Variants in CMIP observed in about 807,000 individuals in gnomAD.
The protein encoded by CMIP is c-Maf inducing protein.
Under a neutral mutation model 97.3 loss-of-function variants are expected in CMIP, and 13 were observed. That is an observed-to-expected ratio of 0.13 (90% CI 0.09 to 0.21). The LOEUF (loss-of-function observed/expected upper bound fraction) is 0.21. Ranked by LOEUF, CMIP falls within the 10% of genes least tolerant of loss-of-function variation. CMIP has a pLI of 1.00. For synonymous variants in CMIP, 538 were observed against 436.3 expected, an observed-to-expected ratio of 1.23 and a Z score of -2.91; for missense variants, 847 against 1,024.9, an observed-to-expected ratio of 0.83 and a Z score of 2.37.
At chr16:81,529,385 T>G (rs2150819815) in intron 1 of CMIP, among the ~76,000 whole-genome samples, 1 of 152,104 alleles carries the variant, frequency 6.6e-6, no homozygotes, top group East Asian at 1.9e-4. Context: ...GGGCAGAGTG[T>G]GAGGGGCTGG....
At chr16:81,479,994 G>A (rs1451575231) in intron 1 of CMIP, among the ~76,000 whole-genome samples, 3 of 152,188 alleles carry the variant, frequency 2.0e-5, no homozygotes, top group South Asian at 2.1e-4. Context: ...AGCCCTGGCC[G>A]CACAATGGGA....
chr16:81,515,282 A>G (rs77384313), intron 1 of CMIP, among the ~76,000 whole-genome samples: 104 of 152,314 alleles, frequency 6.8e-4, no homozygotes, highest in African/African-American at 2.4e-3. Flanking sequence ...AGGCCTCAAA[A>G]TGACTCACAG....
At chr16:81,645,511 A>G (rs2092354483) in intron 3 of CMIP, 1 of 1,535,790 alleles carries the variant, frequency 6.5e-7, no homozygotes, top group African/African-American at 1.4e-5. Context: ...TGGAGGAGCA[A>G]CAGGCTCTGC....
chr16:81,650,446 AGGAGAAG>A (rs990338268), intron 3 of CMIP, among the ~76,000 whole-genome samples: 3 of 152,052 alleles, frequency 2.0e-5, no homozygotes. Context: ...GAGCAGAGAG[AGGAGAAG>A]GGAGAGATGA....
At position 81,516,351 on chromosome 16, in the gene CMIP, G is replaced by A. The variant is rs145818043; in HGVS notation, c.300+70810G>A. 1.6e-4 allele frequency among the ~76,000 whole-genome samples: 25 copies of A among 152,230 alleles called. 1 individual carries two copies. Among genetic ancestry groups the A allele is most frequent in the African/African-American group, 6.0e-4 (25 of 41,552 alleles). ...TTTTAAACGTTCTTCTAGCTCCCCC[G>A]GGTCCCCTCGTCCACCCGAGTAGGA... On this transcript the variant is annotated intron_variant, in intron 1 of 20. Coordinates refer to ENST00000537098, the MANE Select transcript of CMIP (RefSeq NM_198390.3).
chr16:81,468,085 G>A (rs1907315021), intron 1 of CMIP, among the ~76,000 whole-genome samples: 1 of 152,026 alleles, frequency 6.6e-6, no homozygotes, highest in Non-Finnish European at 1.5e-5. Flanking sequence ...GGGCTCCTGT[G>A]GTCCTCTAGT....
chr16:81,453,389 C>T lies in CMIP; in HGVS notation c.300+7848C>T, dbSNP rs1053777905. Among the ~76,000 whole-genome samples the T allele has an allele frequency of 6.6e-6, 1 of 152,226 alleles. No homozygotes were observed. Among genetic ancestry groups the T allele is most frequent in the African/African-American group, 2.4e-5 (1 of 41,462 alleles). ...TCCCTTGGGCTGGGCTGGCTGCATC[C>T]AGCTCAGGTGGGGTCATATGGAGAA... is the stretch of plus-strand genomic sequence containing the variant. On this transcript the variant is annotated intron_variant, in intron 1 of 20. Transcript: ENST00000537098. The surrounding 1 kb of genome is among the most constrained non-coding windows in gnomAD (Gnocchi z 4.0).
intron 13 of CMIP, chr16:81,695,501 A>G (rs537663044): frequency 2.0e-5 from 3 of 152,196 alleles, no homozygotes; most frequent in Admixed American, 1.3e-4. Context: ...TTGGCAGCCA[A>G]TCGTCCTTTC....
rs537249215 is a variant in CMIP at position 81,688,945 on chromosome 16, A to C, written c.1389-2830A>C. ...TCCTTGCGATAGTTTGCTCAGAATG[A>C]TGGTTTCCAGCTTCATCCATGTCCC... On this transcript the variant is annotated intron_variant, in intron 10 of 20. Transcript: ENST00000537098. Among the ~76,000 whole-genome samples the C allele has an allele frequency of 5.3e-5, 8 of 152,224 alleles. 1 individual carries two copies. The highest frequency in any genetic ancestry group is 1.9e-4 in the African/African-American group (8 of 41,508).
At chr16:81,633,004 C>T (rs2092185153) in intron 3 of CMIP, among the ~76,000 whole-genome samples, 1 of 152,086 alleles carries the variant, frequency 6.6e-6, no homozygotes, top group Admixed American at 6.6e-5. Context: ...GAAGGGGGGA[C>T]CCGAGCGTTC....
At chr16:81,474,061 A>T (rs1226697160) in intron 1 of CMIP, among the ~76,000 whole-genome samples, 9 of 152,206 alleles carry the variant, frequency 5.9e-5, no homozygotes, top group African/African-American at 2.2e-4. Context: ...AAGCAGAGGC[A>T]GGCCTTTAAC....
Position 81,710,281 on chromosome 16 carries a change from T to C in CMIP, c.*482T>C, listed in dbSNP as rs1908618224. 6.1e-5 allele frequency: 11 copies of C among 179,966 alleles called. No homozygotes were observed. In the South Asian group the frequency reaches 1.1e-3, roughly 17 times the overall value. The allele number at this position is 179,966 out of a possible 1,614,324, so 11.1% of individuals were successfully genotyped here. A position where few individuals can be genotyped will look rare whatever the true frequency, so the allele number is the denominator to read the frequency against. On this transcript the variant is annotated 3_prime_UTR_variant, in exon 21 of 21. Coordinates refer to ENST00000537098, the MANE Select transcript of CMIP (RefSeq NM_198390.3). ...CCCAGTCACATCACTGCACCCGTCC[T>C]GTGTCCTCACCATTGCTATGCAAAG...
intron 3 of CMIP, among the ~76,000 whole-genome samples, chr16:81,626,621 G>GT: frequency 6.7e-6 from 1 of 148,966 alleles, no homozygotes; most frequent in African/African-American, 2.5e-5. Context: ...GTGTGTGTGT[G>GT]GTGTGTGGGT....
chr16:81,640,618 T>C (rs2092293101), intron 3 of CMIP, among the ~76,000 whole-genome samples: 1 of 152,152 alleles, frequency 6.6e-6, no homozygotes, highest in Non-Finnish European at 1.5e-5. Flanking sequence ...GCCACATTGC[T>C]TCTGAGACTC....
chr16:81,677,870 C>T (rs531351752), intron 9 of CMIP, among the ~76,000 whole-genome samples: 42 of 152,312 alleles, frequency 2.8e-4, no homozygotes, highest in African/African-American at 8.2e-4. Flanking sequence ...CTGCAGGAAG[C>T]TACTAAAAGC....
intron 3 of CMIP, among the ~76,000 whole-genome samples, chr16:81,628,348 C>A (rs1283563730): frequency 6.6e-6 from 1 of 152,222 alleles, no homozygotes; most frequent in Non-Finnish European, 1.5e-5. Flanking sequence ...CCAGCCCAAG[C>A]CGAGCCCCCA....
At chr16:81,557,328 CTGATGTTGGTTG>C (rs758620987) in intron 1 of CMIP, among the ~76,000 whole-genome samples, 2,730 of 150,860 alleles carry the variant, frequency 0.018, 31 homozygotes, top group Non-Finnish European at 0.03. Flanking sequence ...GTTGAATTTA[CTGATGTTGGTTG>C]AATTTACTGA....
At position 81,670,130 on chromosome 16, in the gene CMIP, C is replaced by A. The variant is rs1279464364; in HGVS notation, c.826-12C>A. On this transcript the variant is annotated splice_polypyrimidine_tract_variant and intron_variant, in intron 7 of 20. Transcript: ENST00000537098. ...GCACCGTCCCGACTCCTGTCCTCTG[C>A]TGTCTCCACAGGACTTTGGGAAGTG... 6 of 1,601,544 alleles carry A rather than the reference C, an allele frequency of 3.7e-6. No individual in the cohort carries two copies. Among genetic ancestry groups the A allele is most frequent in the South Asian group, 1.1e-5 (1 of 88,432 alleles).
chr16:81,689,344 G>A (rs374098651), intron 10 of CMIP, among the ~76,000 whole-genome samples: 27 of 152,034 alleles, frequency 1.8e-4, no homozygotes, highest in African/African-American at 5.3e-4. Flanking sequence ...TTTAATGATC[G>A]CCATTCTAAC....
Sources: allele counts gnomAD v4.1 joint callset (sites outside exome capture counted in the v4.1 genomes callset), GRCh38; gene constraint gnomAD v4.1.1; non-coding constraint Gnocchi (gnomAD v3.1); transcripts MANE v1.5; gene names NCBI Gene and HGNC (gene_info 2026-07-23, HGNC 2026-07-21).